Variants in EBF1 observed in about 807,000 individuals in gnomAD.
EBF1 encodes the protein transcription factor COE1.
Under a neutral mutation model 68.4 loss-of-function variants are expected in EBF1, and 10 were observed. That is an observed-to-expected ratio of 0.15 (90% CI 0.09 to 0.25). The LOEUF is 0.25. Ranked by LOEUF, EBF1 falls within the 10% of genes least tolerant of loss-of-function variation. EBF1 has a pLI of 1.00. For missense variants in EBF1, 509 were observed against 794.4 expected, an observed-to-expected ratio of 0.64 and a Z score of 4.32; for synonymous variants, 298 against 299.8, an observed-to-expected ratio of 0.99 and a Z score of 0.06.
chr5:159,010,696 T>C (rs1235189244), intron 6 of EBF1, among the ~76,000 whole-genome samples: 1 of 152,224 alleles, frequency 6.6e-6, no homozygotes, highest in Non-Finnish European at 1.5e-5. Context: ...CTGCCTGATT[T>C]ATCTGACACC....
At chr5:158,830,632 G>T (rs1206373327) in intron 7 of EBF1, among the ~76,000 whole-genome samples, 1 of 100,586 alleles carries the variant, frequency 9.9e-6, no homozygotes, top group Non-Finnish European at 2.4e-5. Context: ...AATACTTCCA[G>T]TACAAATCTA....
chr5:158,861,306 T>C (rs1367227734), intron 6 of EBF1, among the ~76,000 whole-genome samples: 1 of 139,300 alleles, frequency 7.2e-6, no homozygotes, highest in Non-Finnish European at 1.5e-5. Flanking sequence ...GCCAACCTAG[T>C]AGAATGTTAA....
chr5:159,096,603 A>G (rs748167287), intron 2 of EBF1, 197 bp from the exon 3 acceptor site: 44 of 650,140 alleles, frequency 6.8e-5, no homozygotes, highest in Non-Finnish European at 3.5e-5. Flanking sequence ...TCTCTCCCAA[A>G]AGAAAATTCC....
At chr5:158,822,374 G>A (rs967575880) in intron 8 of EBF1, among the ~76,000 whole-genome samples, 2 of 152,118 alleles carry the variant, frequency 1.3e-5, no homozygotes, top group Non-Finnish European at 2.9e-5. Context: ...AGGAGGAAGA[G>A]TGGATATATT....
chr5:159,091,965 T>C (rs1261991537), intron 4 of EBF1, among the ~76,000 whole-genome samples: 3 of 152,178 alleles, frequency 2.0e-5, no homozygotes, highest in African/African-American at 7.2e-5. Flanking sequence ...TTTGGTATCT[T>C]TTCTTTGAAT....
chr5:158,879,039 C>T (rs187237954), intron 6 of EBF1, among the ~76,000 whole-genome samples: 1 of 152,304 alleles, frequency 6.6e-6, no homozygotes, highest in Admixed American at 6.5e-5. Context: ...AACCAAAACT[C>T]CCAGGATTTT....
intron 6 of EBF1, among the ~76,000 whole-genome samples, chr5:158,857,600 A>C (rs1023394959): frequency 6.6e-6 from 1 of 152,204 alleles, no homozygotes; most frequent in African/African-American, 2.4e-5. Context: ...AGCAAAAAAA[A>C]AGTAAGTGTA....
At chr5:158,699,964 A>G (rs1406478174) in intron 15 of EBF1, among the ~76,000 whole-genome samples, 11 of 152,234 alleles carry the variant, frequency 7.2e-5, no homozygotes, top group Non-Finnish European at 1.6e-4. Flanking sequence ...GATAGGCCTG[A>G]GTCCCACCTC....
chr5:158,878,445 T>C (rs1355769803), intron 6 of EBF1, among the ~76,000 whole-genome samples: 1 of 152,192 alleles, frequency 6.6e-6, no homozygotes, highest in Non-Finnish European at 1.5e-5. Flanking sequence ...AGGAAATATT[T>C]ACTGAATCCT....
At chr5:158,872,206 T>C (rs1582767160) in intron 6 of EBF1, among the ~76,000 whole-genome samples, 5 of 151,876 alleles carry the variant, frequency 3.3e-5, no homozygotes, top group Admixed American at 2.6e-4. Context: ...CTTTTCTTTT[T>C]TTTTTTTTGA....
At chr5:158,898,852 T>TG (rs1377957677) in intron 6 of EBF1, among the ~76,000 whole-genome samples, 5 of 152,210 alleles carry the variant, frequency 3.3e-5, no homozygotes, top group African/African-American at 1.2e-4. Context: ...CCTGAGGTGG[T>TG]GGTCCTACCA....
intron 6 of EBF1, among the ~76,000 whole-genome samples, chr5:158,948,059 C>T (rs1011107288): frequency 6.6e-6 from 1 of 152,172 alleles, no homozygotes; most frequent in Non-Finnish European, 1.5e-5. Flanking sequence ...AGTGTGCTTC[C>T]TAAGAACTAT....
At chr5:159,052,980 T>A (rs1774080938) in intron 6 of EBF1, among the ~76,000 whole-genome samples, 1 of 152,216 alleles carries the variant, frequency 6.6e-6, no homozygotes, top group Non-Finnish European at 1.5e-5. Flanking sequence ...TGACCATGTT[T>A]GAAGGAAGCC....
At chr5:158,848,085 G>A (rs1791883921) in intron 6 of EBF1, among the ~76,000 whole-genome samples, 1 of 152,176 alleles carries the variant, frequency 6.6e-6, no homozygotes, top group Non-Finnish European at 1.5e-5. Context: ...GCCGTGTCCT[G>A]AGTGCTTTGC....
At chr5:159,014,457 CCCT>C (rs1349493029) in intron 6 of EBF1, among the ~76,000 whole-genome samples, 4 of 152,122 alleles carry the variant, frequency 2.6e-5, no homozygotes, top group African/African-American at 9.7e-5. Flanking sequence ...CTCATGACAC[CCCT>C]AACTAGAGTT....
At chr5:158,981,101 C>T (rs1757804613) in intron 6 of EBF1, among the ~76,000 whole-genome samples, 1 of 151,820 alleles carries the variant, frequency 6.6e-6, no homozygotes, top group African/African-American at 2.4e-5. Context: ...TCATTTGTTA[C>T]ACCAATACTC....
chr5:158,788,575 G>A (rs932332742), intron 9 of EBF1, among the ~76,000 whole-genome samples: 1 of 152,132 alleles, frequency 6.6e-6, no homozygotes, highest in South Asian at 2.1e-4. Context: ...AAGGTAGAAG[G>A]CTTTATTTAG....
intron 6 of EBF1, among the ~76,000 whole-genome samples, chr5:158,935,227 C>A (rs1811721296): frequency 1.3e-5 from 2 of 152,314 alleles, no homozygotes; most frequent in Middle Eastern, 3.4e-3. Flanking sequence ...GAGAACAAGG[C>A]GTTTGCCAGA....
intron 6 of EBF1, among the ~76,000 whole-genome samples, chr5:158,950,383 A>G (rs1441122151): frequency 6.6e-6 from 1 of 152,178 alleles, no homozygotes; most frequent in Non-Finnish European, 1.5e-5. Context: ...TTTCACAACA[A>G]AACTTCAGTC....
Sources: allele counts gnomAD v4.1 joint callset (sites outside exome capture counted in the v4.1 genomes callset), GRCh38; gene constraint gnomAD v4.1.1; transcripts MANE v1.5; gene names NCBI Gene and HGNC (gene_info 2026-07-23, HGNC 2026-07-21).